The following VTCN1 variants were observed in gnomAD, a reference collection of about 807,000 sequenced individuals.
VTCN1 encodes the protein V-set domain-containing T-cell activation inhibitor 1.
VTCN1 carries 26 observed loss-of-function variants against 26.5 expected under a neutral mutation model. The ratio of observed to expected loss-of-function variants is 0.98; its 90% confidence interval spans 0.72 to 1.36. The LOEUF is 1.36. Among genes scored for constraint, VTCN1 ranks in the 40% most tolerant of loss-of-function variants. The pLI is 0.00. For synonymous variants in VTCN1, 116 were observed against 130.7 expected (o/e 0.89, Z 0.77); for missense variants, 298 against 337.7 (o/e 0.88, Z 0.92).
At chr1:117,158,450 C>G (rs974001272) in intron 2 of VTCN1, among the ~76,000 whole-genome samples, 3 of 152,156 alleles carry the variant, frequency 2.0e-5, no homozygotes, top group African/African-American at 7.2e-5. Flanking sequence ...AAGCCATGGC[C>G]CAAGACCCTT....
At chr1:117,188,782 G>A (rs778674821) in intron 1 of VTCN1, among the ~76,000 whole-genome samples, 45 of 152,120 alleles carry the variant, frequency 3.0e-4, no homozygotes, top group Admixed American at 1.3e-4. Context: ...AAAGCAGTTC[G>A]TATTTTTATT....
At chr1:117,202,975 A>T (rs1239380852) in intron 1 of VTCN1, among the ~76,000 whole-genome samples, 1 of 152,122 alleles carries the variant, frequency 6.6e-6, no homozygotes, top group East Asian at 1.9e-4. Flanking sequence ...TTGCATGCTG[A>T]TGGGGATAAT....
At chr1:117,162,579 G>A (rs1652420396) in intron 2 of VTCN1, among the ~76,000 whole-genome samples, 1 of 152,070 alleles carries the variant, frequency 6.6e-6, no homozygotes, top group South Asian at 2.1e-4. Flanking sequence ...CTATTAAATG[G>A]GCACAGATTT....
In VTCN1 at chr1:117,153,378, T is replaced by G. The variant is rs1430868736; in HGVS notation, c.446-9A>C. 7.5e-6 allele frequency: 12 copies of G among 1,594,644 alleles called. No homozygotes were observed. Among genetic ancestry groups the G allele is most frequent in the Non-Finnish European group, 1.0e-5 (12 of 1,166,450 alleles). On this transcript the variant is annotated splice_polypyrimidine_tract_variant and intron_variant, in intron 3 of 5. Coordinates refer to ENST00000369458, the MANE Select transcript of VTCN1 (RefSeq NM_024626.4). ...TTCCGGCATGCTGAAGGCTGCAGGG[T>G]CAAAAGTCAGAAAGGGCAGATGCCA...
At chr1:117,193,382 GA>G (rs1648346870) in intron 1 of VTCN1, among the ~76,000 whole-genome samples, 2 of 152,080 alleles carry the variant, frequency 1.3e-5, no homozygotes, top group African/African-American at 4.8e-5. Context: ...TTAGGACACA[GA>G]ATGAAAGTGA....
At chr1:117,189,346 A>T (rs1648123582) in intron 1 of VTCN1, among the ~76,000 whole-genome samples, 1 of 152,096 alleles carries the variant, frequency 6.6e-6, no homozygotes, top group African/African-American at 2.4e-5. Flanking sequence ...ACTCCATTGA[A>T]CTCGTAATTG....
intron 3 of VTCN1, among the ~76,000 whole-genome samples, chr1:117,156,026 T>C (rs1652052078): frequency 6.6e-6 from 1 of 152,232 alleles, no homozygotes; most frequent in African/African-American, 2.4e-5. Flanking sequence ...CTTTATACTC[T>C]CACAGTACCT....
chr1:117,187,743 T>C (rs1648018411), intron 1 of VTCN1, among the ~76,000 whole-genome samples: 2 of 152,076 alleles, frequency 1.3e-5, no homozygotes, highest in Admixed American at 6.6e-5. Flanking sequence ...AAGTTTCAAC[T>C]GAGGTTCCAA....
At chr1:117,165,798 A>G (rs1173579635) in intron 2 of VTCN1, among the ~76,000 whole-genome samples, 1 of 152,166 alleles carries the variant, frequency 6.6e-6, no homozygotes, top group Non-Finnish European at 1.5e-5. Flanking sequence ...AATACATATC[A>G]TCATCTGCTT....
At chr1:117,203,699 G>A in intron 1 of VTCN1, 9 of 985,306 alleles carry the variant, frequency 9.1e-6, no homozygotes, top group Non-Finnish European at 1.1e-5. Context: ...AGAAGAATGT[G>A]GAATGATAAA....
At chr1:117,208,396 A>C (rs1649202086) in intron 1 of VTCN1, among the ~76,000 whole-genome samples, 1 of 152,134 alleles carries the variant, frequency 6.6e-6, no homozygotes, top group African/African-American at 2.4e-5. Flanking sequence ...GCCTTGGGTG[A>C]GGGAAGTGCT....
At chr1:117,153,460 CAT>C (rs1049455466) in intron 3 of VTCN1, 91 bp from the exon 4 acceptor site, 16 of 981,496 alleles carry the variant, frequency 1.6e-5, no homozygotes, top group African/African-American at 8.6e-5. Flanking sequence ...AAAATGCAGT[CAT>C]TTTTTTTTTT....
intron 1 of VTCN1, among the ~76,000 whole-genome samples, chr1:117,188,946 AC>A (rs1278946427): frequency 6.6e-6 from 1 of 152,088 alleles, no homozygotes; most frequent in Non-Finnish European, 1.5e-5. Context: ...TAGTTTTCTA[AC>A]TCCAGAGATA....
intron 1 of VTCN1, among the ~76,000 whole-genome samples, chr1:117,171,924 G>A (rs1013634221): frequency 1.3e-5 from 2 of 152,156 alleles, no homozygotes; most frequent in Admixed American, 1.3e-4. Flanking sequence ...TCTTTGCCAA[G>A]GGGAACAAGC....
At chr1:117,195,544 A>G (rs980556292) in intron 1 of VTCN1, among the ~76,000 whole-genome samples, 2 of 152,058 alleles carry the variant, frequency 1.3e-5, no homozygotes, top group African/African-American at 2.4e-5. Flanking sequence ...GAGAAAGAAA[A>G]CCTCAAATAT....
chr1:117,190,613 C>T (rs1157280236), intron 1 of VTCN1, among the ~76,000 whole-genome samples: 1 of 152,210 alleles, frequency 6.6e-6, no homozygotes, highest in Non-Finnish European at 1.5e-5. Context: ...ATCTAGGACT[C>T]CTCCAGACAG....
At chr1:117,204,253 C>T (rs966665932) in intron 1 of VTCN1, among the ~76,000 whole-genome samples, 1 of 152,166 alleles carries the variant, frequency 6.6e-6, no homozygotes, top group Non-Finnish European at 1.5e-5. Flanking sequence ...TTTATTAACT[C>T]ACTTAGTCTT....
At chr1:117,178,594 T>TTTG (rs1165803245) in intron 1 of VTCN1, among the ~76,000 whole-genome samples, 1 of 141,726 alleles carries the variant, frequency 7.1e-6, no homozygotes, top group Non-Finnish European at 1.5e-5. Flanking sequence ...TTTCGTTTTT[T>TTTG]TTTTTTTTTT....
intron 1 of VTCN1, among the ~76,000 whole-genome samples, chr1:117,195,737 A>G (rs891078246): frequency 3.9e-5 from 6 of 152,244 alleles, no homozygotes; most frequent in African/African-American, 1.4e-4. Flanking sequence ...ATTTGGCCAC[A>G]TATATCAGAA....
Sources: gnomAD v4.1 joint callset for allele counts (sites outside exome capture counted in the v4.1 genomes callset) on GRCh38, gnomAD v4.1.1 for gene constraint, MANE v1.5 for transcripts, NCBI Gene and HGNC (gene_info 2026-07-23, HGNC 2026-07-21) for gene names.